Variants in CHIT1 observed in about 807,000 individuals in gnomAD.
The protein encoded by CHIT1 is chitotriosidase-1.
Under a neutral mutation model 52.0 loss-of-function variants are expected in CHIT1, and 47 were observed. The observed-to-expected ratio is 0.90, with a 90% CI of 0.71 to 1.15. The LOEUF (loss-of-function observed/expected upper bound fraction) is 1.15, where lower values mean the gene tolerates loss of function less well. Ranked by LOEUF, CHIT1 falls within the 50% of genes most tolerant of loss-of-function variation. CHIT1 has a pLI of 0.00. For missense variants in CHIT1, 569 were observed against 583.0 expected (o/e 0.98, Z 0.25); for synonymous variants, 242 against 228.2 (o/e 1.06, Z -0.54).
chr1:203,219,096 A>G lies in CHIT1; in HGVS notation c.1029+120T>C, dbSNP rs992824236. The stretch of plus-strand genomic sequence containing the variant: ...ACAAAATACTATCACGTGGAGATTT[A>G]TGAAATGTTGGGACATTTAAAGGAG... On this transcript the variant is annotated intron_variant, in intron 9 of 10. Coordinates refer to ENST00000367229, the MANE Select transcript of CHIT1 (RefSeq NM_003465.3). 39 of 755,234 alleles carry G rather than the reference A, an allele frequency of 5.2e-5. 1 individual carries two copies. The Admixed American group carries it at 6.1e-4, about 12-fold the overall frequency. 46.8% of individuals were successfully genotyped at this position (755,234 alleles called of 1,614,324 possible). A position where few individuals can be genotyped will look rare whatever the true frequency, so the allele number is the denominator to read the frequency against.
At chr1:203,222,113 T>C (rs2102236472) in intron 7 of CHIT1, 89 bp downstream of exon 7, 1 of 1,576,944 alleles carries the variant, frequency 6.3e-7, no homozygotes, top group South Asian at 1.1e-5. Flanking sequence ...GTGTCTTTTT[T>C]CCCATGAGGG....
Position 203,228,569 on chromosome 1 carries a change from C to A in CHIT1, c.26-7G>T, listed in dbSNP as rs199698318. ...ATCAGCAGGACCATGAAACCTGGAG[C>A]AACACAAGAGAGAAGGCCAGGGTTA... On this transcript the variant is annotated splice_region_variant and splice_polypyrimidine_tract_variant and intron_variant, in intron 1 of 10. Coordinates refer to ENST00000367229, the MANE Select transcript of CHIT1 (RefSeq NM_003465.3). 2.5e-6 allele frequency: 4 copies of A among 1,583,728 alleles called. No homozygotes were observed. Among genetic ancestry groups the A allele is most frequent in the Admixed American group, 3.5e-5 (2 of 57,312 alleles).
chr1:203,223,688 C>T (rs1480520712), intron 4 of CHIT1, 28 bp from the exon 5 acceptor site: 2 of 1,613,520 alleles, frequency 1.2e-6, no homozygotes, highest in Non-Finnish European at 1.7e-6. Flanking sequence ...GGAGTAAGGG[C>T]CGGCCTTGGA....
chr1:203,227,673 C>G (rs951743885), intron 2 of CHIT1, among the ~76,000 whole-genome samples: 1 of 152,234 alleles, frequency 6.6e-6, no homozygotes, highest in African/African-American at 2.4e-5. Flanking sequence ...AAGTTCTGTT[C>G]TAGGTGCTTC....
At chr1:203,217,515 C>A in intron 10 of CHIT1, 1 of 1,114,252 alleles carries the variant, frequency 9.0e-7, no homozygotes, top group Non-Finnish European at 1.3e-6. Flanking sequence ...GTTACAACAA[C>A]CCTGGGCAGG....
At chr1:203,226,278 G>C (rs369645162) in intron 2 of CHIT1, among the ~76,000 whole-genome samples, 7 of 152,224 alleles carry the variant, frequency 4.6e-5, no homozygotes, top group African/African-American at 1.7e-4. Context: ...CCCAGGATCA[G>C]GGTCTGGCAG....
At chr1:203,228,011 T>A (rs975987137) in intron 2 of CHIT1, among the ~76,000 whole-genome samples, 1 of 152,148 alleles carries the variant, frequency 6.6e-6, no homozygotes, top group African/African-American at 2.4e-5. Flanking sequence ...TCTTTTCCAT[T>A]TGACACAACA....
intron 8 of CHIT1, 45 bp from the exon 9 acceptor site, chr1:203,219,374 T>C: frequency 8.9e-7 from 1 of 1,118,268 alleles, no homozygotes; most frequent in South Asian, 1.2e-5. Flanking sequence ...GGGAGGCTCT[T>C]GCAGGCACCT....
Position 203,219,653 on chromosome 1 carries a change from G to A in CHIT1, c.915+11C>T, listed in dbSNP as rs763035847. 6.2e-7 allele frequency: 1 copy of A among 1,614,080 alleles called. No homozygotes were observed. Among genetic ancestry groups the A allele is most frequent in the Non-Finnish European group, 8.5e-7 (1 of 1,179,978 alleles). ...CCTCACAATACCCAGGGTGGTTATG[G>A]GTTTTCCTACTTCATAGTAGGCCAG... On this transcript the variant is annotated intron_variant, in intron 8 of 10. Coordinates refer to ENST00000367229, the MANE Select transcript of CHIT1 (RefSeq NM_003465.3).
Position 203,222,293 on chromosome 1 carries a change from T to C in CHIT1, c.638A>G (p.Asp213Gly). Residue 213 changes from aspartate (D) to glycine (G), a missense_variant, in exon 7 of 11, where the codon GAC becomes GGC. Transcript: ENST00000367229. ...GACCTTCTCCCAAGAGCCATGGAAG[T>C]CGTAGGCCATAAGGTTGACAAAATC... is the stretch of plus-strand genomic sequence containing the variant. Reference protein sequence around the residue: ...NLDFVNLMAYDFHGSWEKVTG... With the variant: ...NLDFVNLMAYGFHGSWEKVTG... 1 of 1,614,078 alleles carries C rather than the reference T, an allele frequency of 6.2e-7. No individual in the cohort carries two copies. Among genetic ancestry groups the C allele is most frequent in the Non-Finnish European group, 8.5e-7 (1 of 1,180,014 alleles).
rs1284015458 is a variant in CHIT1 at position 203,216,310 on chromosome 1, C to A, written c.*579G>T. Reference sequence around the variant, plus strand: ...TCGAAGACCCCTGAGTACCAGGGGTCTGAATTCTTAGTGTAATGCTGAGTG... The same window carrying A: ...TCGAAGACCCCTGAGTACCAGGGGTATGAATTCTTAGTGTAATGCTGAGTG... On this transcript the variant is annotated 3_prime_UTR_variant, in exon 11 of 11. Transcript: ENST00000367229. 2 of 454,084 alleles carry A rather than the reference C, an allele frequency of 4.4e-6. No individual in the cohort carries two copies. 28.1% of individuals were successfully genotyped at this position (454,084 alleles called of 1,614,324 possible).
At chr1:203,223,472 AT>A in intron 5 of CHIT1, 22 bp downstream of exon 5, 1 of 1,613,350 alleles carries the variant, frequency 6.2e-7, no homozygotes, top group Admixed American at 1.7e-5. Context: ...CAGACTGGTG[AT>A]CCCCGCCCCG....
At chr1:203,228,884 A>G (rs1033741921) in intron 1 of CHIT1, among the ~76,000 whole-genome samples, 1 of 152,206 alleles carries the variant, frequency 6.6e-6, no homozygotes, top group Non-Finnish European at 1.5e-5. Context: ...TGAGTTATTT[A>G]GAGAGATAGT....
At chr1:203,225,554 G>C in intron 3 of CHIT1, 115 bp downstream of exon 3, 1 of 1,087,252 alleles carries the variant, frequency 9.2e-7, no homozygotes, top group Non-Finnish European at 1.4e-6. Flanking sequence ...CTTGCCCAAA[G>C]CCACACAGTG....
intron 1 of CHIT1, 144 bp downstream of exon 1, chr1:203,229,468 G>A (rs72739588): frequency 0.017 from 14,586 of 864,012 alleles, 164 homozygotes; most frequent in Non-Finnish European, 0.02. Flanking sequence ...TGCAAGCCAG[G>A]AGGCATGGAG....
chr1:203,228,798 C>A (rs1343453406), intron 1 of CHIT1, among the ~76,000 whole-genome samples: 1 of 152,214 alleles, frequency 6.6e-6, no homozygotes, highest in African/African-American at 2.4e-5. Context: ...GTTCCATGGG[C>A]TGAGGCTGCC....
intron 4 of CHIT1, 151 bp from the exon 5 acceptor site, chr1:203,223,811 A>G (rs1349365574): frequency 1.2e-5 from 10 of 830,968 alleles, no homozygotes; most frequent in Non-Finnish European, 1.6e-5. Flanking sequence ...GGCTGCAGGG[A>G]TATTTGCTGG....
intron 7 of CHIT1, 22 bp downstream of exon 7, chr1:203,222,180 T>C: frequency 6.2e-7 from 1 of 1,613,414 alleles, no homozygotes; most frequent in Non-Finnish European, 8.5e-7. Context: ...GAGTCCTGCC[T>C]CAGCCCTCCT....
At chr1:203,228,475 G>A in intron 2 of CHIT1, 58 bp downstream of exon 2, 2 of 1,540,718 alleles carry the variant, frequency 1.3e-6, no homozygotes, top group Non-Finnish European at 1.8e-6. Context: ...AAGGTGTTTT[G>A]GGACATTAAG....
Sources: gnomAD v4.1 joint callset for allele counts (sites outside exome capture counted in the v4.1 genomes callset) on GRCh38, gnomAD v4.1.1 for gene constraint, MANE v1.5 for transcripts, NCBI Gene and HGNC (gene_info 2026-07-23, HGNC 2026-07-21) for gene names.